UNC5CL: variants seen among roughly 807,000 people sequenced by gnomAD.
UNC5CL encodes unc-5 family C-terminal like, also known as UNC5C-like protein.
Under a neutral mutation model 54.1 loss-of-function variants are expected in UNC5CL, and 42 were observed. The ratio of observed to expected loss-of-function variants is 0.78; its 90% confidence interval spans 0.61 to 1.00. The LOEUF (loss-of-function observed/expected upper bound fraction) is 1.00, where lower values mean the gene tolerates loss of function less well. Among genes scored for constraint, UNC5CL ranks in the 50% least tolerant of loss-of-function variants. UNC5CL has a pLI of 0.00. For missense variants in UNC5CL, 619 were observed against 675.6 expected, an observed-to-expected ratio of 0.92 and a Z score of 0.93; for synonymous variants, 285 against 285.1, an observed-to-expected ratio of 1.00 and a Z score of 0.00.
Position 41,032,873 on chromosome 6 carries a change from GC to G in UNC5CL, c.949+10del, listed in dbSNP as rs765004270. On this transcript the variant is annotated intron_variant, in intron 4 of 8. Coordinates refer to ENST00000244565, the MANE Select transcript of UNC5CL (RefSeq NM_173561.3). ...CGATCATCCTATCCCACAGGCCACT[GC>G]CTCCCTCACCCTCTGAGATGTACGT... 6.3e-7 allele frequency: 1 copy of G among 1,586,426 alleles called. No individual in the cohort carries two copies.
chr6:41,028,627 G>A lies in UNC5CL; in HGVS notation c.1335-32C>T. On this transcript the variant is annotated intron_variant, in intron 8 of 8. Transcript: ENST00000244565. This position sits in a 1 kb window ranked among gnomAD's most constrained non-coding sequence, Gnocchi z 4.3. Reference sequence around the variant, plus strand: ...CGAGGTAGGGGAGGAAGAGAAGGGTGTAGGAGCAGGGAGGGGCTCCCCCCC... The same window carrying A: ...CGAGGTAGGGGAGGAAGAGAAGGGTATAGGAGCAGGGAGGGGCTCCCCCCC... The A allele has an allele frequency of 1.3e-6, 2 of 1,598,930 alleles. No homozygotes were observed. The highest frequency in any genetic ancestry group is 1.7e-6 in the Non-Finnish European group (2 of 1,172,808).
intron 3 of UNC5CL, 109 bp from the exon 4 acceptor site, chr6:41,033,255 G>C: frequency 7.2e-7 from 1 of 1,380,652 alleles, no homozygotes; most frequent in Non-Finnish European, 9.7e-7. Flanking sequence ...CCTTCAAGGA[G>C]GTTCAGAGAA....
chr6:41,030,890 AC>A, intron 6 of UNC5CL, 135 bp from the exon 7 acceptor site: 1 of 716,404 alleles, frequency 1.4e-6, no homozygotes, highest in South Asian at 1.7e-5. Flanking sequence ...AGGAGATACA[AC>A]CCTGCTCCAC....
At chr6:41,038,332 C>A (rs1371237644) in intron 1 of UNC5CL, among the ~76,000 whole-genome samples, 1 of 152,146 alleles carries the variant, frequency 6.6e-6, no homozygotes, top group South Asian at 2.1e-4. Context: ...GGGGCCCCAG[C>A]TCGCTTACAC....
intron 7 of UNC5CL, 27 bp downstream of exon 7, chr6:41,030,628 C>A (rs1223980898): frequency 6.2e-7 from 1 of 1,613,600 alleles, no homozygotes; most frequent in South Asian, 1.1e-5. Context: ...ATCCCCCAGG[C>A]AGCAGCCCAA....
At chr6:41,035,896 T>G (rs962034483) in intron 1 of UNC5CL, among the ~76,000 whole-genome samples, 5 of 152,200 alleles carry the variant, frequency 3.3e-5, no homozygotes, top group African/African-American at 1.2e-4. Context: ...TTAATGTACC[T>G]CAGTTTCCTC....
intron 8 of UNC5CL, 41 bp downstream of exon 8, chr6:41,030,347 C>T: frequency 1.3e-6 from 2 of 1,599,240 alleles, no homozygotes; most frequent in Non-Finnish European, 1.7e-6. Context: ...CATTCCAGCC[C>T]ACCCTCCTCT....
At chr6:41,031,441 T>G (rs542540917) in intron 6 of UNC5CL, among the ~76,000 whole-genome samples, 211 of 152,260 alleles carry the variant, frequency 1.4e-3, no homozygotes, top group African/African-American at 4.9e-3. Context: ...AAACTAGGGT[T>G]TGGTTCTTTT....
intron 6 of UNC5CL, 77 bp from the exon 7 acceptor site, chr6:41,030,832 C>A: frequency 7.6e-7 from 1 of 1,309,772 alleles, no homozygotes; most frequent in Admixed American, 1.8e-5. Context: ...AGTCCTACCT[C>A]CATTCCTCAT....
rs1246404143 is a variant in UNC5CL, at chr6:41,029,916, C to T, written c.1334+472G>A. ...AGCCCCATCACCAGGATAAAGTCTT[C>T]CCTGACCGCTGCACTCATAGTGTAG... On this transcript the variant is annotated intron_variant, in intron 8 of 8. Transcript: ENST00000244565. This position sits in a 1 kb window ranked among gnomAD's most constrained non-coding sequence, Gnocchi z 4.1. Among the ~76,000 whole-genome samples, 1 of 152,216 alleles carries T rather than the reference C, an allele frequency of 6.6e-6. No individual in the cohort carries two copies. The highest frequency in any genetic ancestry group is 1.5e-5 in the Non-Finnish European group (1 of 68,030).
chr6:41,032,644 G>T (rs2114008180), intron 4 of UNC5CL, among the ~76,000 whole-genome samples: 1 of 152,280 alleles, frequency 6.6e-6, no homozygotes, highest in East Asian at 1.9e-4. Flanking sequence ...ACCTGTAATT[G>T]CAGCTACTCA....
chr6:41,032,744 G>A (rs1762469979), intron 4 of UNC5CL, 140 bp downstream of exon 4: 3 of 1,316,060 alleles, frequency 2.3e-6, no homozygotes, highest in Admixed American at 2.9e-5. Context: ...CTGGGCAACA[G>A]AGCGAAACTC....
At position 41,028,090 on chromosome 6, in the gene UNC5CL, TG is replaced by T. The variant is rs1762408745; in HGVS notation, c.*282del. The stretch of plus-strand genomic sequence containing the variant: ...GGCCCTAAAGTGCACGCGGGGACCG[TG>T]GCCGTCCCCTGGTCAGTTTGGCAGG... On this transcript the variant is annotated 3_prime_UTR_variant, in exon 9 of 9. Transcript: ENST00000244565. This position sits in a 1 kb window ranked among gnomAD's most constrained non-coding sequence, Gnocchi z 4.3. The T allele has an allele frequency of 8.4e-6, 4 of 478,032 alleles. No homozygotes were observed. In the South Asian group the frequency reaches 1.1e-4, roughly 13 times the overall value. The allele number at this position is 478,032 out of a possible 1,614,324, so 29.6% of individuals were successfully genotyped here. A position where few individuals can be genotyped will look rare whatever the true frequency, so the allele number is the denominator to read the frequency against.
At chr6:41,038,864 C>T (rs1463867434) in intron 1 of UNC5CL, among the ~76,000 whole-genome samples, 1 of 152,208 alleles carries the variant, frequency 6.6e-6, no homozygotes, top group Non-Finnish European at 1.5e-5. Context: ...CCTGTGCCTC[C>T]CCAACACCTG....
intron 8 of UNC5CL, 30 bp downstream of exon 8, chr6:41,030,358 A>G: frequency 6.2e-7 from 1 of 1,608,462 alleles, no homozygotes; most frequent in Non-Finnish European, 8.5e-7. Flanking sequence ...ACCCTCCTCT[A>G]CCATCCACAG....
At chr6:41,032,781 G>T in intron 4 of UNC5CL, 103 bp downstream of exon 4, 2 of 1,431,380 alleles carry the variant, frequency 1.4e-6, no homozygotes, top group Non-Finnish European at 1.8e-6. Context: ...AAGAGAGAGA[G>T]ACTTGGGATC....
intron 1 of UNC5CL, among the ~76,000 whole-genome samples, chr6:41,035,346 T>A (rs114416744): frequency 1.3e-5 from 2 of 152,186 alleles, no homozygotes; most frequent in Non-Finnish European, 2.9e-5. Context: ...TGAAGCAGAG[T>A]GAGCTTGGGT....
At chr6:41,032,344 C>A (rs1269442521) in intron 4 of UNC5CL, among the ~76,000 whole-genome samples, 2 of 151,470 alleles carry the variant, frequency 1.3e-5, no homozygotes, top group Non-Finnish European at 2.9e-5. Context: ...TATAACCCCT[C>A]TCCTTCCCAC....
rs951855611 is a variant in UNC5CL, at chr6:41,033,249, C to G, written c.687-103G>C. Reference sequence around the variant, plus strand: ...ACCTGAGGGGCCTCTGTGGGGCCTTCAAGGAGGTTCAGAGAACACTCGAGG... The same window carrying G: ...ACCTGAGGGGCCTCTGTGGGGCCTTGAAGGAGGTTCAGAGAACACTCGAGG... On this transcript the variant is annotated intron_variant, in intron 3 of 8. Transcript: ENST00000244565. 5.9e-5 allele frequency: 83 copies of G among 1,413,988 alleles called. No individual in the cohort carries two copies. The East Asian group carries it at 2.0e-3, about 34-fold the overall frequency. The allele number at this position is 1,413,988 out of a possible 1,614,324, so 87.6% of individuals were successfully genotyped here. A position where few individuals can be genotyped will look rare whatever the true frequency, so the allele number is the denominator to read the frequency against.
Sources: allele counts gnomAD v4.1 joint callset (sites outside exome capture counted in the v4.1 genomes callset), GRCh38; gene constraint gnomAD v4.1.1; non-coding constraint Gnocchi (gnomAD v3.1); transcripts MANE v1.5; gene names NCBI Gene and HGNC (gene_info 2026-07-23, HGNC 2026-07-21).